LMCD1: variants seen among roughly 807,000 people sequenced by gnomAD.
The protein encoded by LMCD1 is LIM and cysteine-rich domains protein 1.
A neutral mutation model predicts 42.7 loss-of-function variants in LMCD1; 32 were observed. That is an observed-to-expected ratio of 0.75 (90% confidence interval 0.57 to 1.01). The LOEUF (loss-of-function observed/expected upper bound fraction) is 1.01. LMCD1 is among the 50% of genes least tolerant of loss of function. LMCD1 has a pLI of 0.00. For synonymous variants in LMCD1, 178 were observed against 184.9 expected (o/e 0.96, Z 0.30); for missense variants, 458 against 483.1 (o/e 0.95, Z 0.49).
intron 1 of LMCD1, among the ~76,000 whole-genome samples, chr3:8,524,422 A>G (rs908245110): frequency 1.1e-4 from 17 of 152,074 alleles, no homozygotes; most frequent in African/African-American, 4.1e-4. Context: ...ATTTAGAGGA[A>G]GAGGAAGGGT....
At chr3:8,514,297 A>G (rs1459656932) in intron 1 of LMCD1, among the ~76,000 whole-genome samples, 2 of 152,222 alleles carry the variant, frequency 1.3e-5, no homozygotes, top group East Asian at 1.9e-4. Flanking sequence ...TTACAGAAAA[A>G]CAAACGCACA....
At chr3:8,539,121 G>C (rs1257525198) in intron 3 of LMCD1, among the ~76,000 whole-genome samples, 1 of 152,148 alleles carries the variant, frequency 6.6e-6, no homozygotes, top group Admixed American at 6.5e-5. Flanking sequence ...AATCACATGA[G>C]AGAGACCACA....
In LMCD1 at chr3:8,548,691, T is replaced by G; in HGVS notation, c.511T>G (p.Cys171Gly). The G allele has an allele frequency of 6.2e-7, 1 of 1,614,198 alleles. No homozygotes were observed. The part of the protein sequence containing the change: ...LPIYDQDPSR[C>G]RGLLENELKL... ...CATCTATGACCAGGATCCCTCGCGCTGCCGTGGACTTTTGGAGAATGAGTT... is the reference window on the plus strand; with the variant it reads ...CATCTATGACCAGGATCCCTCGCGCGGCCGTGGACTTTTGGAGAATGAGTT... The change falls in exon 4 of 6, where the codon TGC becomes GGC. Residue 171 changes from cysteine (C) to glycine (G), a missense_variant. Cys to Gly is a radical substitution (Grantham distance 159). Transcript: ENST00000157600.
rs1693733197 is a variant in LMCD1, at chr3:8,501,985, G to A, written c.42+5G>A. The A allele has an allele frequency of 6.3e-7, 1 of 1,587,896 alleles. No homozygotes were observed. Among genetic ancestry groups the A allele is most frequent in the Non-Finnish European group, 8.6e-7 (1 of 1,168,648 alleles). ...CTCAACCCAGGAGTTAAAAAGGTGA[G>A]TGGAAAGCTGTTTGTATTTACCCAG... On this transcript the variant is annotated splice_donor_5th_base_variant and intron_variant, in intron 1 of 5. Coordinates refer to ENST00000157600, the MANE Select transcript of LMCD1 (RefSeq NM_014583.4).
chr3:8,550,290 T>A (rs1694818832), intron 4 of LMCD1: 1 of 1,012,448 alleles, frequency 9.9e-7, no homozygotes, highest in African/African-American at 1.7e-5. Context: ...ATCAACCAAG[T>A]GTCTTCATTT....
In LMCD1 at chr3:8,567,672, A is replaced by T. The variant is rs1007933330; in HGVS notation, c.*74A>T. On this transcript the variant is annotated 3_prime_UTR_variant, in exon 6 of 6. Coordinates refer to ENST00000157600, the MANE Select transcript of LMCD1 (RefSeq NM_014583.4). ...GAGCCAGGTGTGCCGAGACCATCCT[A>T]AGGGTCCGATGTGACAGCAAGCAAG... The T allele has an allele frequency of 6.8e-7, 1 of 1,474,668 alleles. No individual in the cohort carries two copies. The highest frequency in any genetic ancestry group is 1.3e-5 in the South Asian group (1 of 79,714). 91.3% of individuals were successfully genotyped at this position (1,474,668 alleles called of 1,614,324 possible). A position where few individuals can be genotyped will look rare whatever the true frequency, so the allele number is the denominator to read the frequency against.
intron 2 of LMCD1, among the ~76,000 whole-genome samples, chr3:8,536,975 C>G (rs2125024875): frequency 6.6e-6 from 1 of 152,340 alleles, no homozygotes; most frequent in South Asian, 2.1e-4. Flanking sequence ...TCCTACATTC[C>G]TCACTGATAG....
chr3:8,550,765 C>T, intron 4 of LMCD1: 12 of 985,232 alleles, frequency 1.2e-5, no homozygotes, highest in Non-Finnish European at 1.4e-5. Flanking sequence ...TCTGTCCACC[C>T]TCAAATAGCT....
chr3:8,561,220 C>G (rs936327660), intron 4 of LMCD1, among the ~76,000 whole-genome samples: 2 of 152,148 alleles, frequency 1.3e-5, no homozygotes, highest in Non-Finnish European at 2.9e-5. Context: ...CCAGGCTCAG[C>G]AAACACTTTC....
rs1695229861 is a variant in LMCD1 at position 8,572,185 on chromosome 3, T to C, written c.*4587T>C. 6.6e-6 allele frequency: 1 copy of C among 152,240 alleles called. No individual in the cohort carries two copies. 9.4% of individuals were successfully genotyped at this position (152,240 alleles called of 1,614,324 possible). ...TTAAAGTTGTTGAGTTAAATATCCA[T>C]TAAATTAGGTTTGTCAGATATTTCC... On this transcript the variant is annotated 3_prime_UTR_variant, in exon 6 of 6. Transcript: ENST00000157600.
At position 8,528,453 on chromosome 3, in the gene LMCD1, C is replaced by T. The variant is rs1476806231; in HGVS notation, c.43-4284C>T. ...TCAAGCAATCCCCCTGCCTCAGCCT[C>T]CCAGAGTGCTGGGATTACAGGAATG... is the stretch of plus-strand genomic sequence containing the variant. On this transcript the variant is annotated intron_variant, in intron 1 of 5. Transcript: ENST00000157600. Among the ~76,000 whole-genome samples, 7 of 152,134 alleles carry T rather than the reference C, an allele frequency of 4.6e-5. 1 individual carries two copies. Among genetic ancestry groups the T allele is most frequent in the South Asian group, 4.1e-4 (2 of 4,830 alleles).
rs1464323483 is a variant in LMCD1, at chr3:8,569,104, T to C, written c.*1506T>C. The C allele has an allele frequency of 6.6e-6, 1 of 152,234 alleles. No homozygotes were observed. Among genetic ancestry groups the C allele is most frequent in the East Asian group, 1.9e-4 (1 of 5,192 alleles). The allele number at this position is 152,234 out of a possible 1,614,324, so 9.4% of individuals were successfully genotyped here. On this transcript the variant is annotated 3_prime_UTR_variant, in exon 6 of 6. Transcript: ENST00000157600. Reference sequence around the variant, plus strand: ...ATTTCCTTCACTCAATCTCCATGGCTCTTCATTGCCTGCCAAGTTAACAAC... The same window carrying C: ...ATTTCCTTCACTCAATCTCCATGGCCCTTCATTGCCTGCCAAGTTAACAAC...
chr3:8,517,063 A>G (rs1347974161), intron 1 of LMCD1, among the ~76,000 whole-genome samples: 2 of 152,230 alleles, frequency 1.3e-5, no homozygotes, highest in South Asian at 2.1e-4. Context: ...CCATGGTTAC[A>G]TACTTAGTCA....
intron 3 of LMCD1, among the ~76,000 whole-genome samples, chr3:8,539,151 A>T (rs1354047830): frequency 6.6e-6 from 1 of 152,238 alleles, no homozygotes; most frequent in African/African-American, 2.4e-5. Flanking sequence ...GCAATAAGTA[A>T]AAAACAAACA....
In LMCD1 at chr3:8,574,305, G is replaced by C. The variant is rs1244863982; in HGVS notation, c.*6707G>C. ...CCTTCATCGTGGGCCAACCACTGTG[G>C]GGAAGGGGGAGGGATTAGAAAAGAC... On this transcript the variant is annotated 3_prime_UTR_variant, in exon 6 of 6. Coordinates refer to ENST00000157600, the MANE Select transcript of LMCD1 (RefSeq NM_014583.4). 1 of 152,418 alleles carries C rather than the reference G, an allele frequency of 6.6e-6. No individual in the cohort carries two copies. The highest frequency in any genetic ancestry group is 6.5e-5 in the Admixed American group (1 of 15,284). 9.4% of individuals were successfully genotyped at this position (152,418 alleles called of 1,614,324 possible).
In LMCD1 at chr3:8,564,568, A is replaced by C. The variant is rs567367971; in HGVS notation, c.724-864A>C. ...ATTAAAGGCATAAGGCACCACTTCTAGGCAAAAATATTATTTATTAAATAT... is the reference window on the plus strand; with the variant it reads ...ATTAAAGGCATAAGGCACCACTTCTCGGCAAAAATATTATTTATTAAATAT... On this transcript the variant is annotated intron_variant, in intron 4 of 5. Coordinates refer to ENST00000157600, the MANE Select transcript of LMCD1 (RefSeq NM_014583.4). Among the ~76,000 whole-genome samples the C allele has an allele frequency of 5.9e-5, 9 of 152,316 alleles. 1 individual carries two copies. The East Asian group carries it at 9.6e-4, about 16-fold the overall frequency.
At chr3:8,565,997 C>G (rs1309687947) in intron 5 of LMCD1, among the ~76,000 whole-genome samples, 1 of 152,138 alleles carries the variant, frequency 6.6e-6, no homozygotes, top group African/African-American at 2.4e-5. Context: ...TTACCTAACT[C>G]CGGAGCCTCA....
intron 1 of LMCD1, among the ~76,000 whole-genome samples, chr3:8,529,473 C>T (rs562597533): frequency 8.5e-4 from 127 of 149,068 alleles, no homozygotes; most frequent in African/African-American, 3.0e-3. Context: ...CTAGGCCAGT[C>T]GCCTGTGTCT....
At chr3:8,549,383 G>T (rs1694798872) in intron 4 of LMCD1, among the ~76,000 whole-genome samples, 2 of 152,132 alleles carry the variant, frequency 1.3e-5, no homozygotes, top group Non-Finnish European at 2.9e-5. Flanking sequence ...CATGCTTGGG[G>T]AGCTGGGGAC....
Sources: allele counts gnomAD v4.1 joint callset (sites outside exome capture counted in the v4.1 genomes callset), GRCh38; gene constraint gnomAD v4.1.1; transcripts MANE v1.5; gene names NCBI Gene and HGNC (gene_info 2026-07-23, HGNC 2026-07-21).